The following KCNQ2 variants were observed in gnomAD, a reference collection of about 807,000 sequenced individuals.
The protein encoded by KCNQ2 is potassium voltage-gated channel subfamily Q member 2, also known as potassium voltage-gated channel subfamily KQT member 2.
KCNQ2 carries 14 observed loss-of-function variants against 84.8 expected under a neutral mutation model. The ratio of observed to expected loss-of-function variants is 0.17; its 90% CI spans 0.11 to 0.26. The LOEUF is 0.26. Among genes scored for constraint, KCNQ2 ranks in the 10% least tolerant of loss-of-function variants. KCNQ2 has a pLI of 1.00. For missense variants in KCNQ2, 788 were observed against 1,254.0 expected (o/e 0.63, Z 5.61); for synonymous variants, 599 against 554.1 (o/e 1.08, Z -1.14).
intron 12 of KCNQ2, among the ~76,000 whole-genome samples, chr20:63,416,273 C>T (rs1057045521): frequency 2.6e-5 from 4 of 152,210 alleles, no homozygotes; most frequent in African/African-American, 4.8e-5. Context: ...TCCATACTCT[C>T]GGGGGGTCCT....
intron 3 of KCNQ2, 121 bp from the exon 4 acceptor site, chr20:63,444,955 C>T (rs550886890): frequency 8.5e-7 from 1 of 1,173,482 alleles, no homozygotes; most frequent in Admixed American, 2.6e-5. Context: ...ATGCCCAGCG[C>T]CTGGTGTGGG....
intron 5 of KCNQ2, among the ~76,000 whole-genome samples, chr20:63,440,495 C>A (rs756792014): frequency 2.0e-5 from 3 of 152,218 alleles, no homozygotes; most frequent in African/African-American, 7.2e-5. Flanking sequence ...CCACAAGCCA[C>A]GGGCTCAGGA....
chr20:63,438,290 G>A lies in KCNQ2; in HGVS notation c.1023+335C>T, dbSNP rs1481412923. 3 of 441,824 alleles carry A rather than the reference G, an allele frequency of 6.8e-6. No homozygotes were observed. Among genetic ancestry groups the A allele is most frequent in the Admixed American group, 3.5e-5 (1 of 28,786 alleles). The allele number at this position is 441,824 out of a possible 1,614,324, so 27.4% of individuals were successfully genotyped here. A position where few individuals can be genotyped will look rare whatever the true frequency, so the allele number is the denominator to read the frequency against. On this transcript the variant is annotated intron_variant, in intron 7 of 16. Coordinates refer to ENST00000359125, the MANE Select transcript of KCNQ2 (RefSeq NM_172107.4). This position sits in a 1 kb window ranked among gnomAD's most constrained non-coding sequence, Gnocchi z 5.1. ...AGGCACTGACTCACTGCAGTGTGTGGGCTCTAGGAGCCTTGGCCCTGCAGC... is the reference window on the plus strand; with the variant it reads ...AGGCACTGACTCACTGCAGTGTGTGAGCTCTAGGAGCCTTGGCCCTGCAGC...
chr20:63,401,209 C>A lies in KCNQ2; in HGVS notation c.*5435G>T, dbSNP rs79180879. The A allele has an allele frequency of 2.1e-3, 500 of 233,298 alleles. No individual in the cohort carries two copies. The highest frequency in any genetic ancestry group is 3.3e-3 in the Non-Finnish European group (394 of 121,070). 14.5% of individuals were successfully genotyped at this position (233,298 alleles called of 1,614,324 possible). A position where few individuals can be genotyped will look rare whatever the true frequency, so the allele number is the denominator to read the frequency against. On this transcript the variant is annotated 3_prime_UTR_variant, in exon 17 of 17. Coordinates refer to ENST00000359125, the MANE Select transcript of KCNQ2 (RefSeq NM_172107.4). The stretch of plus-strand genomic sequence containing the variant: ...TTTTAAAACTCTGAAGAGGCCCCTC[C>A]ATCCCAAATGGTCCCCTCCCGTCTC...
Position 63,402,229 on chromosome 20 carries a change from G to C in KCNQ2, c.*4415C>G. On this transcript the variant is annotated 3_prime_UTR_variant, in exon 17 of 17. Transcript: ENST00000359125. ...AAGCCTCGTGAGCCGTCCCTCTCAC[G>C]CCACGTCTGCCGGGCACCCTCCACG... is the stretch of plus-strand genomic sequence containing the variant. The C allele has an allele frequency of 7.5e-6, 1 of 134,180 alleles. No individual in the cohort carries two copies. Among genetic ancestry groups the C allele is most frequent in the Non-Finnish European group, 1.5e-5 (1 of 64,864 alleles). The allele number at this position is 134,180 out of a possible 1,614,324, so 8.3% of individuals were successfully genotyped here.
intron 1 of KCNQ2, among the ~76,000 whole-genome samples, chr20:63,465,585 C>T (rs1002487328): frequency 2.6e-5 from 4 of 152,200 alleles, no homozygotes; most frequent in Admixed American, 1.3e-4. Flanking sequence ...GCGTAGGGGT[C>T]GCACGCAGGG....
At chr20:63,454,382 G>A (rs1159959711) in intron 1 of KCNQ2, among the ~76,000 whole-genome samples, 2 of 152,238 alleles carry the variant, frequency 1.3e-5, no homozygotes, top group African/African-American at 4.8e-5. Context: ...GCCGGGGGCG[G>A]CCGGTGCAGG....
chr20:63,432,759 G>A (rs2080861761), intron 8 of KCNQ2, among the ~76,000 whole-genome samples: 1 of 128,446 alleles, frequency 7.8e-6, no homozygotes, highest in African/African-American at 2.7e-5. Flanking sequence ...CACCCACAGG[G>A]AAGGCTCCAC....
In KCNQ2 at chr20:63,406,604, TGAG is replaced by T. The variant is rs1568857748; in HGVS notation, c.*37_*39del. On this transcript the variant is annotated 3_prime_UTR_variant, in exon 17 of 17. Transcript: ENST00000359125. ...CCTCAAAACCTCGGAGGCACCGTGC[TGAG>T]GAGGGCCGCGGGCGGGTCCACTGGC... The T allele has an allele frequency of 6.4e-7, 1 of 1,557,534 alleles. No homozygotes were observed.
chr20:63,410,384 T>C (rs1355222728), intron 15 of KCNQ2, among the ~76,000 whole-genome samples: 1 of 152,144 alleles, frequency 6.6e-6, no homozygotes, highest in Non-Finnish European at 1.5e-5. Flanking sequence ...GATCCCTGAG[T>C]GCTCAGTGCC....
At chr20:63,454,101 C>G (rs1259986038) in intron 1 of KCNQ2, among the ~76,000 whole-genome samples, 2 of 152,194 alleles carry the variant, frequency 1.3e-5, no homozygotes, top group African/African-American at 4.8e-5. Flanking sequence ...CGGCCGAGAT[C>G]TGTGGCTCCT....
At chr20:63,439,848 T>TGA in intron 5 of KCNQ2, 140 bp from the exon 6 acceptor site, 1 of 719,010 alleles carries the variant, frequency 1.4e-6, no homozygotes. Context: ...GGAGGCCCAG[T>TGA]GAGGCCAGGG....
intron 7 of KCNQ2, chr20:63,434,245 G>T: frequency 3.0e-6 from 1 of 329,256 alleles, no homozygotes. Flanking sequence ...TGTCCTGGGG[G>T]TTACCTTCCT....
intron 1 of KCNQ2, among the ~76,000 whole-genome samples, chr20:63,457,493 G>A (rs1398807300): frequency 2.0e-5 from 3 of 152,226 alleles, no homozygotes; most frequent in East Asian, 1.9e-4. Flanking sequence ...GCCTATGCCC[G>A]CCTGCACCCA....
At position 63,446,153 on chromosome 20, in the gene KCNQ2, C is replaced by CCTG; in HGVS notation, c.387+593_387+594insCAG. Reference sequence around the variant, plus strand: ...TTGGGGGGTGCACAGCAGGGCTGAGCTGAGGGAAGGCCCCAGGTAACTGCA... The same window carrying CCTG: ...TTGGGGGGTGCACAGCAGGGCTGAGCCTGTGAGGGAAGGCCCCAGGTAACTGCA... On this transcript the variant is annotated intron_variant, in intron 2 of 16. Transcript: ENST00000359125. The surrounding 1 kb of genome is among the most constrained non-coding windows in gnomAD (Gnocchi z 5.5). The CCTG allele has an allele frequency of 3.6e-6, 1 of 276,006 alleles. No homozygotes were observed. Among genetic ancestry groups the CCTG allele is most frequent in the Non-Finnish European group, 7.0e-6 (1 of 142,486 alleles). The allele number at this position is 276,006 out of a possible 1,614,324, so 17.1% of individuals were successfully genotyped here.
chr20:63,416,509 T>C (rs2080301927), intron 12 of KCNQ2, among the ~76,000 whole-genome samples: 1 of 152,154 alleles, frequency 6.6e-6, no homozygotes, highest in South Asian at 2.1e-4. Flanking sequence ...GACCCGCTCA[T>C]GCCCAGCCAT....
At chr20:63,442,725 T>TCACCACCATCACCACCATCAC (rs1568934026) in intron 4 of KCNQ2, among the ~76,000 whole-genome samples, 194 bp from the exon 5 acceptor site, 1 of 32,820 alleles carries the variant, frequency 3.0e-5, no homozygotes, top group Non-Finnish European at 5.4e-5. Flanking sequence ...ACCACCACCA[T>TCACCACCATCACCACCATCAC]CATCACCACC....
rs1438370191 is a variant in KCNQ2, at chr20:63,442,695, C to T, written c.691-164G>A. Among the ~76,000 whole-genome samples, 28 of 86,606 alleles carry T rather than the reference C, an allele frequency of 3.2e-4. 1 individual carries two copies. Among genetic ancestry groups the T allele is most frequent in the Admixed American group, 7.8e-4 (7 of 9,030 alleles). 56.8% of individuals were successfully genotyped at this position (86,606 alleles called of 152,430 possible). On this transcript the variant is annotated intron_variant, in intron 4 of 16. Coordinates refer to ENST00000359125, the MANE Select transcript of KCNQ2 (RefSeq NM_172107.4). ...ACCACCACCACCACCATCACCATCA[C>T]CACCATCACCATCACCACCACCACC...
At position 63,446,792 on chromosome 20, in the gene KCNQ2, G is replaced by A. The variant is rs755608148; in HGVS notation, c.342C>T (p.Thr114=). The A allele has an allele frequency of 6.2e-7, 1 of 1,613,570 alleles. No homozygotes were observed. The highest frequency in any genetic ancestry group is 8.5e-7 in the Non-Finnish European group (1 of 1,179,970). ...CCGAGCTCTTCTCATACTCCTTGAT[G>A]GTGGAAAACACAGACAGCACGAGGC... ...FSCLVLSVFS[T]IKEYEKSSEG... Residue 114 remains threonine, a synonymous_variant, in exon 2 of 17, where the codon ACC becomes ACT. Coordinates refer to ENST00000359125, the MANE Select transcript of KCNQ2 (RefSeq NM_172107.4). The surrounding 1 kb of genome is among the most constrained non-coding windows in gnomAD (Gnocchi z 5.5).
Sources: allele counts gnomAD v4.1 joint callset (sites outside exome capture counted in the v4.1 genomes callset), GRCh38; gene constraint gnomAD v4.1.1; non-coding constraint Gnocchi (gnomAD v3.1); transcripts MANE v1.5; gene names NCBI Gene and HGNC (gene_info 2026-07-23, HGNC 2026-07-21).